Variants in PTPRT observed in about 807,000 individuals in gnomAD.
PTPRT encodes the protein receptor-type tyrosine-protein phosphatase T.
In PTPRT, 56 loss-of-function variants were observed where a neutral mutation model predicts 176.8. The ratio of observed to expected loss-of-function variants is 0.32; its 90% confidence interval spans 0.26 to 0.40. The LOEUF is 0.40. Among genes scored for constraint, PTPRT ranks in the 10% least tolerant of loss-of-function variants. PTPRT has a pLI of 1.00. For synonymous variants in PTPRT, 783 were observed against 739.0 expected, an observed-to-expected ratio of 1.06 and a Z score of -0.96; for missense variants, 1,540 against 1,908.2, an observed-to-expected ratio of 0.81 and a Z score of 3.60.
At chr20:42,309,360 C>T (rs562160815) in intron 12 of PTPRT, among the ~76,000 whole-genome samples, 1 of 152,136 alleles carries the variant, frequency 6.6e-6, no homozygotes, top group Non-Finnish European at 1.5e-5. Context: ...CACCCACCCG[C>T]TGTTTAGAAC....
chr20:42,240,706 G>C (rs59555908), intron 14 of PTPRT, among the ~76,000 whole-genome samples: 147 of 91,486 alleles, frequency 1.6e-3, no homozygotes, highest in African/African-American at 7.6e-3. Context: ...ATGCATGCAT[G>C]CATCCATCCA....
At chr20:42,431,184 A>C (rs6072742) in intron 9 of PTPRT, among the ~76,000 whole-genome samples, 5,027 of 152,246 alleles carry the variant, frequency 0.033, 98 homozygotes, top group Middle Eastern at 0.048. Context: ...TCTCCTACAC[A>C]CAATTTTATT....
intron 1 of PTPRT, among the ~76,000 whole-genome samples, chr20:43,179,825 G>A (rs1022084346): frequency 2.0e-5 from 3 of 152,224 alleles, no homozygotes; most frequent in African/African-American, 7.2e-5. Context: ...CCACACTTGT[G>A]TGTGACTTCA....
intron 7 of PTPRT, among the ~76,000 whole-genome samples, chr20:42,530,517 G>A (rs1186408389): frequency 6.6e-6 from 1 of 152,240 alleles, no homozygotes; most frequent in Non-Finnish European, 1.5e-5. Flanking sequence ...CACCGTGGAA[G>A]GCTTTGAAGA....
Position 42,080,421 on chromosome 20 carries a change from A to G in PTPRT, c.*458T>C, listed in dbSNP as rs1025145262. 1 of 236,068 alleles carries G rather than the reference A, an allele frequency of 4.2e-6. No homozygotes were observed. The highest frequency in any genetic ancestry group is 5.5e-5 in the Admixed American group (1 of 18,236). The allele number at this position is 236,068 out of a possible 1,614,324, so 14.6% of individuals were successfully genotyped here. A position where few individuals can be genotyped will look rare whatever the true frequency, so the allele number is the denominator to read the frequency against. On this transcript the variant is annotated 3_prime_UTR_variant, in exon 31 of 31. Transcript: ENST00000373187. ...TGAAGGAGGTTGCAGGGGGCAGCAG[A>G]GCAGTGACCCCCAAGAGCCTCAATC...
At chr20:42,923,702 A>C (rs1979303477) in intron 1 of PTPRT, among the ~76,000 whole-genome samples, 1 of 152,362 alleles carries the variant, frequency 6.6e-6, no homozygotes, top group East Asian at 1.9e-4. Context: ...AAGCCCTGGC[A>C]CCAGTCCCAG....
intron 6 of PTPRT, among the ~76,000 whole-genome samples, chr20:42,684,561 G>A (rs909075940): frequency 6.6e-6 from 1 of 152,140 alleles, no homozygotes; most frequent in Admixed American, 6.5e-5. Flanking sequence ...AGTATTTAGA[G>A]AGAAGACATC....
rs545135142 is a variant in PTPRT at position 42,578,862 on chromosome 20, C to T, written c.1153+99004G>A. ...ATTTCATGCAGAGCCAAAGCCTAAG[C>T]CCTTACAATGGCCTTTGAGTCTTGC... On this transcript the variant is annotated intron_variant, in intron 7 of 30. Coordinates refer to ENST00000373187, the MANE Select transcript of PTPRT (RefSeq NM_007050.6). Among the ~76,000 whole-genome samples, 36 of 151,314 alleles carry T rather than the reference C, an allele frequency of 2.4e-4. 1 individual carries two copies. The highest frequency in any genetic ancestry group is 8.8e-4 in the African/African-American group (36 of 41,052).
chr20:42,041,626 C>T, the PTPRT span, among the ~76,000 whole-genome samples: 1 of 152,186 alleles, frequency 6.6e-6, no homozygotes. Context: ...CCTAAATCCC[C>T]ATGATGGCTT....
chr20:42,212,317 A>AC (rs1207749841), intron 15 of PTPRT, among the ~76,000 whole-genome samples: 2 of 61,510 alleles, frequency 3.3e-5, no homozygotes, highest in East Asian at 1.0e-3. Context: ...AAAAAAAAAG[A>AC]CAAAAAAAAA....
chr20:43,157,768 A>G lies in PTPRT; in HGVS notation c.88+31878T>C, dbSNP rs189131940. ...AGGCAAGGGAGTTAGCCAAGCAGGT[A>G]TCCTAGGGAAGAACAAGTAGAGCAA... is the stretch of plus-strand genomic sequence containing the variant. On this transcript the variant is annotated intron_variant, in intron 1 of 30. Transcript: ENST00000373187. Among the ~76,000 whole-genome samples, 1,088 of 152,306 alleles carry G rather than the reference A, an allele frequency of 7.1e-3. 9 individuals are homozygous for G. Among genetic ancestry groups the G allele is most frequent in the Non-Finnish European group, 0.013 (854 of 68,010 alleles).
rs2077373422 is a variant in PTPRT at position 42,791,401 on chromosome 20, T to A, written c.280A>T (p.Thr94Ser). The change falls in exon 3 of 31, where the codon ACC (threonine) becomes TCC (serine). Residue 94 changes from threonine (T) to serine (S), a missense_variant. This residue lies in a region of PTPRT where 116 missense variants were observed against 118.5 expected (regional missense o/e 0.98). Coordinates refer to ENST00000373187, the MANE Select transcript of PTPRT (RefSeq NM_007050.6). Reference protein sequence around the residue: ...SGQKAHLLLPTLKENDTHCID... With the variant: ...SGQKAHLLLPSLKENDTHCID... Reference sequence around the variant, plus strand: ...CAGTGGGTGTCATTCTCCTTCAGGGTTGGCAGGAGAAGGTGGGCCTTCTGG... The same window carrying A: ...CAGTGGGTGTCATTCTCCTTCAGGGATGGCAGGAGAAGGTGGGCCTTCTGG... The A allele has an allele frequency of 1.2e-6, 2 of 1,614,014 alleles. No individual in the cohort carries two copies. The highest frequency in any genetic ancestry group is 1.7e-5 in the Admixed American group (1 of 60,012).
At chr20:42,576,677 C>T (rs1396332512) in intron 7 of PTPRT, among the ~76,000 whole-genome samples, 3 of 152,164 alleles carry the variant, frequency 2.0e-5, no homozygotes, top group African/African-American at 7.2e-5. Flanking sequence ...CTTTCAGAAT[C>T]TTCTGTGTAT....
At chr20:42,298,703 A>G (rs939407776) in intron 12 of PTPRT, among the ~76,000 whole-genome samples, 2 of 152,116 alleles carry the variant, frequency 1.3e-5, no homozygotes, top group African/African-American at 4.8e-5. Context: ...CGGGCTGATC[A>G]TGAGGTCAGG....
intron 7 of PTPRT, among the ~76,000 whole-genome samples, chr20:42,640,694 G>C (rs531353340): frequency 4.9e-4 from 74 of 152,196 alleles, no homozygotes; most frequent in African/African-American, 1.7e-3. Context: ...ATCAACACAA[G>C]TATTGAAAAT....
the PTPRT span, among the ~76,000 whole-genome samples, chr20:42,048,577 G>A: frequency 2.0e-5 from 3 of 152,068 alleles, no homozygotes; most frequent in South Asian, 4.2e-4. Context: ...TAGGTGTTCC[G>A]GCCCACTGTC....
chr20:42,901,085 C>T (rs2079396378), intron 1 of PTPRT, among the ~76,000 whole-genome samples: 1 of 152,170 alleles, frequency 6.6e-6, no homozygotes, highest in African/African-American at 2.4e-5. Context: ...CCTTTCGACC[C>T]CCACATTCTC....
At chr20:42,349,640 C>T (rs1235212716) in intron 11 of PTPRT, among the ~76,000 whole-genome samples, 2 of 152,086 alleles carry the variant, frequency 1.3e-5, no homozygotes, top group African/African-American at 4.8e-5. Context: ...GGTTTTTAGG[C>T]CTTGGGCCCC....
chr20:42,515,805 G>A (rs946313868), intron 7 of PTPRT, among the ~76,000 whole-genome samples: 14 of 151,398 alleles, frequency 9.2e-5, no homozygotes, highest in Admixed American at 2.6e-4. Context: ...ACATGCACAC[G>A]TATGTTTATT....
Sources: gnomAD v4.1 joint callset for allele counts (sites outside exome capture counted in the v4.1 genomes callset) on GRCh38, gnomAD v4.1.1 for gene constraint, gnomAD v4.1.1 regional missense constraint, MANE v1.5 for transcripts, NCBI Gene and HGNC (gene_info 2026-07-23, HGNC 2026-07-21) for gene names.